RIPOR2: variants seen among roughly 807,000 people sequenced by gnomAD.
The protein encoded by RIPOR2 is RHO family interacting cell polarization regulator 2.
Under a neutral mutation model 114.5 loss-of-function variants are expected in RIPOR2, and 39 were observed. That is an observed-to-expected ratio of 0.34 (90% CI 0.26 to 0.44). RIPOR2 has a LOEUF of 0.44. Ranked by LOEUF, RIPOR2 falls within the 20% of genes least tolerant of loss-of-function variation. The probability of loss-of-function intolerance (pLI) is 1.00; values close to 1 mark genes in which losing one functional copy is unlikely to be tolerated. For synonymous variants in RIPOR2, 445 were observed against 484.4 expected (o/e 0.92, Z 1.07); for missense variants, 1,007 against 1,255.1 (o/e 0.80, Z 2.99).
rs1421605092 is a variant in RIPOR2, at chr6:24,873,635, A to G, written c.344+9T>C. On this transcript the variant is annotated intron_variant, in intron 3 of 21. Coordinates refer to ENST00000643898, the MANE Select transcript of RIPOR2 (RefSeq NM_001286445.3). ...TCCTTAAAGTACATTATCAGGTTCA[A>G]GTTCTTACTCAAGTCCATTTTTCAA... The G allele has an allele frequency of 6.2e-7, 1 of 1,611,222 alleles. No homozygotes were observed.
chr6:25,027,670 C>T (rs1040309623), intron 1 of RIPOR2, among the ~76,000 whole-genome samples: 52 of 152,206 alleles, frequency 3.4e-4, no homozygotes, highest in Non-Finnish European at 5.6e-4. Context: ...AGAGGGCCCC[C>T]CTCCCCTCGT....
intron 1 of RIPOR2, among the ~76,000 whole-genome samples, chr6:24,885,677 A>G (rs1165412839): frequency 6.6e-6 from 1 of 152,220 alleles, no homozygotes; most frequent in Non-Finnish European, 1.5e-5. Flanking sequence ...CCTGAATCCC[A>G]GTTTTCTCAT....
At chr6:25,013,270 G>A (rs1451876283) in intron 1 of RIPOR2, among the ~76,000 whole-genome samples, 1 of 152,186 alleles carries the variant, frequency 6.6e-6, no homozygotes, top group Non-Finnish European at 1.5e-5. Flanking sequence ...TGAAAGGTCA[G>A]TGATTTTTTT....
At chr6:24,908,135 G>A (rs1769178625) in intron 1 of RIPOR2, among the ~76,000 whole-genome samples, 1 of 152,060 alleles carries the variant, frequency 6.6e-6, no homozygotes, top group South Asian at 2.1e-4. Flanking sequence ...CAAGCACGAG[G>A]CCCTACTCAC....
intron 1 of RIPOR2, among the ~76,000 whole-genome samples, chr6:25,012,818 C>T (rs567774790): frequency 3.3e-5 from 5 of 152,232 alleles, no homozygotes; most frequent in East Asian, 1.9e-4. Context: ...GTGATGATGG[C>T]TGCTCAACTT....
At chr6:25,006,905 G>A (rs1775581542) in intron 1 of RIPOR2, among the ~76,000 whole-genome samples, 1 of 152,248 alleles carries the variant, frequency 6.6e-6, no homozygotes, top group Non-Finnish European at 1.5e-5. Flanking sequence ...AAAGCCTAGA[G>A]GAGCTGGAAC....
At chr6:24,823,434 G>C (rs539416665) in intron 19 of RIPOR2, among the ~76,000 whole-genome samples, 1 of 152,176 alleles carries the variant, frequency 6.6e-6, no homozygotes, top group African/African-American at 2.4e-5. Flanking sequence ...ACAGCTAAGT[G>C]ATGCTGCACG....
chr6:24,931,185 G>A (rs1771363542), intron 1 of RIPOR2, among the ~76,000 whole-genome samples: 1 of 152,126 alleles, frequency 6.6e-6, no homozygotes, highest in Non-Finnish European at 1.5e-5. Flanking sequence ...GATTATACCA[G>A]ATTGCATAAT....
At chr6:25,000,196 C>T (rs1255735453) in intron 1 of RIPOR2, among the ~76,000 whole-genome samples, 1 of 152,216 alleles carries the variant, frequency 6.6e-6, no homozygotes, top group Non-Finnish European at 1.5e-5. Context: ...ACTTTCACTT[C>T]ACTCTCCATT....
upstream of RIPOR2, among the ~76,000 whole-genome samples, chr6:24,937,299 T>A (rs1288370669): frequency 6.6e-6 from 1 of 152,154 alleles, no homozygotes; most frequent in East Asian, 1.9e-4. Flanking sequence ...ATTACTGGTA[T>A]TTAATGTCTT....
In RIPOR2 at chr6:24,826,511, A is replaced by G. The variant is rs1056535763; in HGVS notation, c.2666-1083T>C. The stretch of plus-strand genomic sequence containing the variant: ...TTATTTAGATTTTTTTTTTTTGCTT[A>G]ATTTCCTATTTTCCTTGCTGTGAAT... On this transcript the variant is annotated intron_variant, in intron 18 of 21. Transcript: ENST00000643898. 3.4e-5 allele frequency among the ~76,000 whole-genome samples: 5 copies of G among 147,128 alleles called. No homozygotes were observed. The Admixed American group carries it at 3.4e-4, about 10-fold the overall frequency.
chr6:24,872,641 T>C (rs1377732002), intron 4 of RIPOR2, among the ~76,000 whole-genome samples: 1 of 152,218 alleles, frequency 6.6e-6, no homozygotes, highest in Non-Finnish European at 1.5e-5. Context: ...TTCATGAAGA[T>C]ATACATTTAA....
intron 21 of RIPOR2, among the ~76,000 whole-genome samples, chr6:24,808,762 C>CT (rs10587871): frequency 0.13 from 17,075 of 127,938 alleles, 1,351 homozygotes; most frequent in African/African-American, 0.21. Flanking sequence ...ATACTTTTTT[C>CT]TTTTTTTTTT....
intron 1 of RIPOR2, among the ~76,000 whole-genome samples, chr6:24,913,412 T>C (rs1039574323): frequency 1.3e-5 from 2 of 152,180 alleles, no homozygotes; most frequent in African/African-American, 4.8e-5. Context: ...CTGAACTGAC[T>C]GCATTAGACT....
At chr6:24,819,812 T>C (rs1029223312) in intron 19 of RIPOR2, among the ~76,000 whole-genome samples, 11 of 151,336 alleles carry the variant, frequency 7.3e-5, no homozygotes, top group African/African-American at 2.7e-4. Context: ...ATTGTCTTAT[T>C]TTTACCAAGC....
chr6:25,000,090 C>T (rs115536882), intron 1 of RIPOR2, among the ~76,000 whole-genome samples: 86 of 152,290 alleles, frequency 5.6e-4, no homozygotes, highest in African/African-American at 2.1e-3. Flanking sequence ...TTGCATATCC[C>T]CAATACCATG....
At chr6:24,956,409 T>G (rs1046337708) in intron 1 of RIPOR2, among the ~76,000 whole-genome samples, 2 of 152,208 alleles carry the variant, frequency 1.3e-5, no homozygotes, top group African/African-American at 4.8e-5. Flanking sequence ...AGACTTTTGT[T>G]AAAAGGGAGA....
At chr6:24,878,782 G>GA (rs531756544) in intron 1 of RIPOR2, among the ~76,000 whole-genome samples, 3 of 150,066 alleles carry the variant, frequency 2.0e-5, no homozygotes, top group Non-Finnish European at 4.5e-5. Context: ...GTGATAGGCA[G>GA]AAAAAAAAAG....
At chr6:24,922,331 G>A (rs988154427) in intron 1 of RIPOR2, among the ~76,000 whole-genome samples, 2 of 152,126 alleles carry the variant, frequency 1.3e-5, no homozygotes, top group Non-Finnish European at 2.9e-5. Flanking sequence ...AATCCCATAC[G>A]TAACTCTCAC....
Sources: allele counts gnomAD v4.1 joint callset (sites outside exome capture counted in the v4.1 genomes callset), GRCh38; gene constraint gnomAD v4.1.1; transcripts MANE v1.5; gene names NCBI Gene and HGNC (gene_info 2026-07-23, HGNC 2026-07-21).